Variants in FRMPD3 observed in about 807,000 individuals in gnomAD.
The protein encoded by FRMPD3 is FERM and PDZ domain containing 3, also known as FERM and PDZ domain-containing protein 3.
A neutral mutation model predicts 97.9 loss-of-function variants in FRMPD3; 42 were observed. The ratio of observed to expected loss-of-function variants is 0.43; its 90% CI spans 0.34 to 0.55. The LOEUF (loss-of-function observed/expected upper bound fraction) is 0.55. Among genes scored for constraint, FRMPD3 ranks in the 20% least tolerant of loss-of-function variants. The probability of loss-of-function intolerance (pLI) is 0.03; values close to 1 mark genes in which losing one functional copy is unlikely to be tolerated. For synonymous variants in FRMPD3, 577 were observed against 581.1 expected (o/e 0.99, Z 0.10); for missense variants, 1,303 against 1,457.7 (o/e 0.89, Z 1.73).
chrX:107,476,956 A>G (rs957601550), intron 1 of FRMPD3, among the ~76,000 whole-genome samples: 5 of 111,865 alleles, frequency 4.5e-5, no homozygotes, highest in African/African-American at 1.6e-4. Context: ...GGCTGGGATT[A>G]CTTCACCTGG....
intron 1 of FRMPD3, among the ~76,000 whole-genome samples, chrX:107,523,386 A>G (rs1049404368): frequency 2.7e-5 from 3 of 111,574 alleles, no homozygotes; most frequent in Non-Finnish European, 3.8e-5. Flanking sequence ...GCCTGCACCT[A>G]TGAACCACAT....
intron 4 of FRMPD3, among the ~76,000 whole-genome samples, chrX:107,540,246 T>C (rs1181187827): frequency 8.9e-6 from 1 of 112,027 alleles, no homozygotes; most frequent in African/African-American, 3.2e-5. Context: ...GGTCCTCCAT[T>C]GTCCTAGGCT....
chrX:107,472,074 T>C (rs1231962927), intron 1 of FRMPD3, among the ~76,000 whole-genome samples: 1 of 112,611 alleles, frequency 8.9e-6, no homozygotes, highest in Non-Finnish European at 1.9e-5. Context: ...TTTTTTCATG[T>C]TTGTTGGCCA....
chrX:107,584,779 C>G (rs927990707), intron 13 of FRMPD3, among the ~76,000 whole-genome samples: 7 of 111,589 alleles, frequency 6.3e-5, no homozygotes, highest in Non-Finnish European at 1.1e-4. Context: ...TTTCTGAAGT[C>G]TCTGTTCTGT....
At chrX:107,519,726 AAAG>A (rs1337612477) in intron 1 of FRMPD3, among the ~76,000 whole-genome samples, 1 of 111,319 alleles carries the variant, frequency 9.0e-6, no homozygotes, top group South Asian at 3.9e-4. Flanking sequence ...TATTTTGCAG[AAAG>A]AAGGAGGAGT....
At chrX:107,599,072 A>T (rs1924353073) in intron 14 of FRMPD3, among the ~76,000 whole-genome samples, 1 of 111,207 alleles carries the variant, frequency 9.0e-6, no homozygotes, top group Non-Finnish European at 1.9e-5. Flanking sequence ...CAGGAGTTCG[A>T]GATCAGCCTG....
At chrX:107,537,359 G>A (rs1208288780) in intron 4 of FRMPD3, among the ~76,000 whole-genome samples, 1 of 111,657 alleles carries the variant, frequency 9.0e-6, no homozygotes, top group Non-Finnish European at 1.9e-5. Context: ...CTTCTAGGCT[G>A]GGAATATAGC....
chrX:107,530,324 T>C, intron 2 of FRMPD3, 85 bp from the exon 3 acceptor site: 1 of 701,898 alleles, frequency 1.4e-6, no homozygotes, highest in Non-Finnish European at 2.2e-6. Flanking sequence ...CTGCTTCAGC[T>C]CCTACAGGCA....
In FRMPD3 at chrX:107,565,749, G is replaced by GA. The variant is rs760093943; in HGVS notation, c.1296+692dup. Among the ~76,000 whole-genome samples the GA allele has an allele frequency of 1.5e-3, 168 of 109,266 alleles. 3 individuals are homozygous for GA. The East Asian group carries it at 0.017, about 11-fold the overall frequency. 94.9% of individuals were successfully genotyped at this position (109,266 alleles called of 115,157 possible). ...AATAATAAAGAAAGAAAAGAAAAAA[G>GA]AAAAAAAAATTATATTCATGTGGAA... is the stretch of plus-strand genomic sequence containing the variant. On this transcript the variant is annotated intron_variant, in intron 12 of 14. Coordinates refer to ENST00000683843, the MANE Select transcript of FRMPD3 (RefSeq NM_001388459.1).
chrX:107,475,408 G>T (rs1017999877), intron 1 of FRMPD3, among the ~76,000 whole-genome samples: 3 of 111,949 alleles, frequency 2.7e-5, no homozygotes, highest in African/African-American at 9.8e-5. Context: ...CATCCAAAGG[G>T]GGAAGCAATC....
In FRMPD3 at chrX:107,597,357, GC is replaced by G; in HGVS notation, c.1480del (p.His494ThrfsTer57). 8.3e-7 allele frequency: 1 copy of G among 1,208,775 alleles called. No homozygotes were observed. The highest frequency in any genetic ancestry group is 1.1e-6 in the Non-Finnish European group (1 of 894,674). ...AGCGCCCACCGCCCTGTCACTGGGG[GC>G]CACCTGGGGAAAAAGGAGAGTAGTT... ...MHSAHRPVTG[G>X]HLGKKESSYV... On this transcript the variant is annotated frameshift_variant, in exon 14 of 15. Transcript: ENST00000683843. LOFTEE classifies it high-confidence loss of function.
chrX:107,510,392 C>A (rs1257896738), intron 1 of FRMPD3, among the ~76,000 whole-genome samples: 1 of 111,117 alleles, frequency 9.0e-6, no homozygotes, highest in East Asian at 2.8e-4. Flanking sequence ...TAGTAGGATG[C>A]AATCTTCTTC....
In FRMPD3 at chrX:107,583,081, C is replaced by CT. The variant is rs898368698; in HGVS notation, c.1441+6630dup. Among the ~76,000 whole-genome samples, 8 of 110,175 alleles carry CT rather than the reference C, an allele frequency of 7.3e-5. No homozygotes were observed. The East Asian group carries it at 8.5e-4, about 12-fold the overall frequency. On this transcript the variant is annotated intron_variant, in intron 13 of 14. Coordinates refer to ENST00000683843, the MANE Select transcript of FRMPD3 (RefSeq NM_001388459.1). ...TTTTCAGTGTACAAATTTTGCACGT[C>CT]TTTTTTTTCTTTTTCTCTTTTTTTC...
intron 4 of FRMPD3, among the ~76,000 whole-genome samples, chrX:107,538,366 C>A (rs751640777): frequency 4.6e-5 from 5 of 108,966 alleles, no homozygotes; most frequent in Middle Eastern, 4.6e-3. Flanking sequence ...TAATGTTATA[C>A]CCCCTACATC....
intron 1 of FRMPD3, among the ~76,000 whole-genome samples, chrX:107,467,021 T>A (rs939947446): frequency 1.9e-5 from 2 of 104,979 alleles, no homozygotes; most frequent in Admixed American, 1.0e-4. Context: ...TGTGTGTGTG[T>A]GTGAGAGAGA....
intron 13 of FRMPD3, among the ~76,000 whole-genome samples, chrX:107,594,913 C>T (rs951072760): frequency 1.8e-5 from 2 of 112,149 alleles, no homozygotes; most frequent in African/African-American, 3.2e-5. Context: ...TTTAAAAAAA[C>T]GACTTTAGCT....
At chrX:107,522,379 G>A (rs1922535459) in intron 1 of FRMPD3, 1 of 553,526 alleles carries the variant, frequency 1.8e-6, no homozygotes, top group East Asian at 3.3e-5. Flanking sequence ...GGTTAATTAT[G>A]ATGTGGGCTG....
At chrX:107,453,645 G>A (rs1380439437) in intron 1 of FRMPD3, among the ~76,000 whole-genome samples, 1 of 111,979 alleles carries the variant, frequency 8.9e-6, no homozygotes, top group Non-Finnish European at 1.9e-5. Flanking sequence ...AGAAATCCTG[G>A]GGCTAGGGGC....
Position 107,601,160 on chromosome X carries a change from C to T in FRMPD3, c.3121C>T (p.Arg1041Trp), listed in dbSNP as rs770880383. The change falls in exon 15 of 15, where the codon CGG becomes TGG. Residue 1041 changes from arginine to tryptophan, a missense_variant. This residue lies in a region of FRMPD3 where 764 missense variants were observed against 820.2 expected (regional missense o/e 0.93). Transcript: ENST00000683843. Reference sequence around the variant, plus strand: ...CAGCCCCAGAGCACCCACAGGCAGCCGGGCTGACAGCCTGCACCTCTCCCA... The same window carrying T: ...CAGCCCCAGAGCACCCACAGGCAGCTGGGCTGACAGCCTGCACCTCTCCCA... ...SSSPRAPTGSRADSLHLSQQE... is the reference protein window; with the variant it reads ...SSSPRAPTGSWADSLHLSQQE... The T allele has an allele frequency of 6.6e-6, 8 of 1,210,534 alleles. No homozygotes were observed. In the East Asian group the frequency reaches 8.9e-5, roughly 13 times the overall value.
Sources: gnomAD v4.1 joint callset for allele counts (sites outside exome capture counted in the v4.1 genomes callset) on GRCh38, gnomAD v4.1.1 for gene constraint, gnomAD v4.1.1 regional missense constraint, MANE v1.5 for transcripts, NCBI Gene and HGNC (gene_info 2026-07-23, HGNC 2026-07-21) for gene names.